The following NLRP12 variants were observed in gnomAD, a reference collection of about 807,000 sequenced individuals.
NLRP12 encodes the protein NLR family pyrin domain containing 12.
In NLRP12, 108 loss-of-function variants were observed where a neutral mutation model predicts 91.2. The observed-to-expected ratio is 1.18, with a 90% confidence interval of 1.01 to 1.39. The LOEUF is 1.39. Among genes scored for constraint, NLRP12 ranks in the 40% most tolerant of loss-of-function variants. NLRP12 has a pLI of 0.00. For synonymous variants in NLRP12, 613 were observed against 566.7 expected (o/e 1.08, Z -1.16); for missense variants, 1,530 against 1,352.7 (o/e 1.13, Z -2.06).
chr19:53,819,916 G>A (rs1470151270), intron 1 of NLRP12, among the ~76,000 whole-genome samples: 1 of 148,872 alleles, frequency 6.7e-6, no homozygotes, highest in Non-Finnish European at 1.5e-5. Flanking sequence ...GAAGGAAGGA[G>A]GGAAGAAAGG....
At chr19:53,796,765 G>A (rs2091770277) in intron 8 of NLRP12, among the ~76,000 whole-genome samples, 2 of 151,938 alleles carry the variant, frequency 1.3e-5, no homozygotes, top group African/African-American at 4.8e-5. Context: ...GGGAGGCCGA[G>A]GCAGGCAGAT....
intron 1 of NLRP12, among the ~76,000 whole-genome samples, chr19:53,820,075 G>C (rs896383058): frequency 1.3e-5 from 2 of 152,040 alleles, no homozygotes; most frequent in African/African-American, 4.8e-5. Flanking sequence ...TATTGGCAGG[G>C]CTTGCTTACT....
In NLRP12 at chr19:53,810,016, T is replaced by C. The variant is rs773087721; in HGVS notation, c.1643A>G (p.Tyr548Cys). Residue 548 changes from tyrosine (Y) to cysteine (C), a missense_variant, in exon 3 of 10, where the codon TAC (tyrosine) becomes TGC (cysteine). Tyr to Cys is a radical substitution (Grantham distance 194). Coordinates refer to ENST00000324134, the MANE Select transcript of NLRP12 (RefSeq NM_144687.4). ...DQDVTRLLTE[Y>C]AFSERSFLAL... ...CAGGAAGCTCCTTTCAGAAAACGCG[T>C]ACTCGGTCAACAGCCTGGTCACGTC... The C allele has an allele frequency of 2.9e-5, 46 of 1,613,952 alleles. No individual in the cohort carries two copies. The highest frequency in any genetic ancestry group is 3.9e-5 in the Non-Finnish European group (46 of 1,180,034).
At chr19:53,803,660 G>A (rs978318500) in intron 6 of NLRP12, 5 of 394,930 alleles carry the variant, frequency 1.3e-5, no homozygotes, top group Non-Finnish European at 2.4e-5. Flanking sequence ...TGCAACTTCC[G>A]CCTCTCAGGT....
chr19:53,815,118 A>T (rs1013528068), intron 1 of NLRP12, 130 bp from the exon 2 acceptor site: 9 of 738,176 alleles, frequency 1.2e-5, no homozygotes, highest in Admixed American at 1.2e-4. Flanking sequence ...TTCAGTAGTG[A>T]CTGCATAGGC....
Position 53,796,022 on chromosome 19 carries a change from T to C in NLRP12, c.2935A>G (p.Ser979Gly). Residue 979 changes from serine to glycine, a missense_variant, in exon 9 of 10, where the codon AGC (serine) becomes GGC (glycine). Physicochemically the swap from Ser to Gly is moderately conservative, Grantham distance 56 (BLOSUM62 0). Transcript: ENST00000324134. ...ACRLQKLWLD[S>G]CGLTAKACEN... ...CAAGCCTTGGCTGTGAGGCCACAGC[T>C]ATCCAGCCTGGTGAAGATAAGGAGT... is the stretch of plus-strand genomic sequence containing the variant. 6.2e-7 allele frequency: 1 copy of C among 1,614,116 alleles called. No individual in the cohort carries two copies. Among genetic ancestry groups the C allele is most frequent in the Non-Finnish European group, 8.5e-7 (1 of 1,179,964 alleles).
intron 9 of NLRP12, among the ~76,000 whole-genome samples, chr19:53,794,514 T>C (rs770614149): frequency 9.5e-6 from 1 of 105,442 alleles, no homozygotes; most frequent in Non-Finnish European, 2.1e-5. Flanking sequence ...AGAGACAAGG[T>C]TTCACCCGTG....
At chr19:53,793,656 CTCACTGCAACCTCCACCTCCCGGGT>C (rs1446320789), downstream of NLRP12, 1 of 286,028 alleles carries the variant, frequency 3.5e-6, no homozygotes, top group Non-Finnish European at 6.8e-6. Context: ...GCGATCTCGG[CTCACTGCAACCTCCACCTCCCGGGT>C]TCAAGCGATT....
At position 53,798,388 on chromosome 19, in the gene NLRP12, C is replaced by T. The variant is rs762023965; in HGVS notation, c.2782G>A (p.Ala928Thr). ...ACCACAGAAAGACCCTCACAGGCGGCAGAGCCCAGCCGGCAGATGCCCAAC... is the reference window on the plus strand; with the variant it reads ...ACCACAGAAAGACCCTCACAGGCGGTAGAGCCCAGCCGGCAGATGCCCAAC... ...LRLGICRLGSAACEGLSVVLQ... is the reference protein window; with the variant it reads ...LRLGICRLGSTACEGLSVVLQ... Residue 928 changes from alanine to threonine, a missense_variant, in exon 8 of 10, where the codon GCC (alanine) becomes ACC (threonine). Physicochemically the swap from Ala to Thr is moderately conservative, Grantham distance 58. Coordinates refer to ENST00000324134, the MANE Select transcript of NLRP12 (RefSeq NM_144687.4). 5 of 1,614,124 alleles carry T rather than the reference C, an allele frequency of 3.1e-6. No homozygotes were observed. The highest frequency in any genetic ancestry group is 2.2e-5 in the East Asian group (1 of 44,866).
In NLRP12 at chr19:53,814,945, T is replaced by C; in HGVS notation, c.333A>G (p.Thr111=). 6.2e-7 allele frequency: 1 copy of C among 1,614,088 alleles called. No homozygotes were observed. Among genetic ancestry groups the C allele is most frequent in the Non-Finnish European group, 8.5e-7 (1 of 1,179,988 alleles). Residue 111 remains threonine, a synonymous_variant, in exon 2 of 10, where the codon ACA becomes ACG. Transcript: ENST00000324134. The part of the protein sequence containing the change: ...GGPSSLGNQS[T]CLLEVSLVTP... Reference sequence around the variant, plus strand: ...TGACAAGAGAGACTTCCAGAAGGCATGTTGACTGGTTCCCAAGTGAGGACG... The same window carrying C: ...TGACAAGAGAGACTTCCAGAAGGCACGTTGACTGGTTCCCAAGTGAGGACG...
At position 53,801,267 on chromosome 19, in the gene NLRP12, C is replaced by CA; in HGVS notation, c.2715dup (p.Glu906Ter). On this transcript the variant is annotated frameshift_variant, in exon 7 of 10. Transcript: ENST00000324134. LOFTEE classifies it high-confidence loss of function. ...TTGCACGTGGGATGCCTGAGGCCCT[C>CA]ACACAGCAGCAGCACCCCGAGGTCC... 6.2e-7 allele frequency: 1 copy of CA among 1,613,830 alleles called. No individual in the cohort carries two copies. Among genetic ancestry groups the CA allele is most frequent in the Non-Finnish European group, 8.5e-7 (1 of 1,179,984 alleles).
rs1600682323 is a variant in NLRP12 at position 53,801,028 on chromosome 19, C to T, written c.2756+199G>A. On this transcript the variant is annotated intron_variant, in intron 7 of 9. Coordinates refer to ENST00000324134, the MANE Select transcript of NLRP12 (RefSeq NM_144687.4). Reference sequence around the variant, plus strand: ...CTAACATGATGAAACCCTGTCTCTACTAAAAATACAAAAAATTAGCTGGGC... The same window carrying T: ...CTAACATGATGAAACCCTGTCTCTATTAAAAATACAAAAAATTAGCTGGGC... Among the ~76,000 whole-genome samples, 3 of 149,382 alleles carry T rather than the reference C, an allele frequency of 2.0e-5. No homozygotes were observed. In the South Asian group the frequency reaches 6.4e-4, roughly 32 times the overall value.
intron 1 of NLRP12, among the ~76,000 whole-genome samples, chr19:53,815,934 AT>A (rs576400966): frequency 3.9e-3 from 530 of 135,390 alleles, no homozygotes; most frequent in African/African-American, 7.3e-3. Context: ...AAATATTTTA[AT>A]TTTTTTTTTT....
chr19:53,823,328 C>CCATATTTAATA (rs2092287966), intron 1 of NLRP12, among the ~76,000 whole-genome samples: 11 of 128,188 alleles, frequency 8.6e-5, no homozygotes, highest in African/African-American at 3.3e-4. Flanking sequence ...TAAATATATA[C>CCATATTTAATA]TATATTTATA....
At chr19:53,802,714 AAAAAG>A (rs1381314365) in intron 6 of NLRP12, among the ~76,000 whole-genome samples, 9 of 151,994 alleles carry the variant, frequency 5.9e-5, no homozygotes, top group Non-Finnish European at 8.8e-5. Context: ...CTCAAAAAAA[AAAAAG>A]AAAACTGGGG....
intron 2 of NLRP12, among the ~76,000 whole-genome samples, chr19:53,812,399 T>C (rs1195852806): frequency 6.8e-6 from 1 of 146,116 alleles, no homozygotes; most frequent in Admixed American, 7.0e-5. Context: ...GGCGACAGCG[T>C]GAGACTCTGC....
intron 5 of NLRP12, among the ~76,000 whole-genome samples, chr19:53,804,393 G>GTTTTT (rs923117109): frequency 1.7e-5 from 2 of 114,804 alleles, no homozygotes; most frequent in Non-Finnish European, 3.6e-5. Flanking sequence ...TTTTTTTTGG[G>GTTTTT]TTTTTTTGTT....
chr19:53,811,753 G>C (rs113135402), intron 2 of NLRP12, among the ~76,000 whole-genome samples: 9,800 of 151,640 alleles, frequency 0.065, 385 homozygotes, highest in East Asian at 0.13. Flanking sequence ...TTTTAGTAGA[G>C]ACGGGGTTTC....
rs1016647701 is a variant in NLRP12, at chr19:53,810,313, G to C, written c.1346C>G (p.Ala449Gly). Reference sequence around the variant, plus strand: ...GTTGGGTGGGGGCTGGAGGCGCGGGGCCCCCGGCTTGGGTTGCATCAGACT... The same window carrying C: ...GTTGGGTGGGGGCTGGAGGCGCGGGCCCCCCGGCTTGGGTTGCATCAGACT... Reference protein sequence around the residue: ...LLSLMQPKPGAPRLQPPPNQR... With the variant: ...LLSLMQPKPGGPRLQPPPNQR... The change falls in exon 3 of 10, where the codon GCC (alanine) becomes GGC (glycine). Residue 449 changes from alanine to glycine, a missense_variant. Transcript: ENST00000324134. 1.2e-6 allele frequency: 2 copies of C among 1,613,664 alleles called. No homozygotes were observed. The highest frequency in any genetic ancestry group is 1.1e-5 in the South Asian group (1 of 91,080).
Sources: allele counts gnomAD v4.1 joint callset (sites outside exome capture counted in the v4.1 genomes callset), GRCh38; gene constraint gnomAD v4.1.1; transcripts MANE v1.5; gene names NCBI Gene and HGNC (gene_info 2026-07-23, HGNC 2026-07-21).